Variants in B9D1 observed in about 807,000 individuals in gnomAD.
The protein encoded by B9D1 is B9 domain containing 1, also known as B9 domain-containing protein 1.
B9D1 carries 20 observed loss-of-function variants against 26.1 expected under a neutral mutation model. That is an observed-to-expected ratio of 0.77 (90% CI 0.54 to 1.12). B9D1 has a LOEUF of 1.12. Among genes scored for constraint, B9D1 ranks in the 50% most tolerant of loss-of-function variants. The probability of loss-of-function intolerance (pLI) is 0.00; values close to 1 mark genes in which losing one functional copy is unlikely to be tolerated. For synonymous variants in B9D1, 105 were observed against 103.1 expected, an observed-to-expected ratio of 1.02 and a Z score of -0.11; for missense variants, 260 against 273.7, an observed-to-expected ratio of 0.95 and a Z score of 0.35.
intron 3 of B9D1, among the ~76,000 whole-genome samples, chr17:19,352,514 AT>A (rs34659490): frequency 0.053 from 5,033 of 95,106 alleles, 68 homozygotes; most frequent in East Asian, 0.12. Flanking sequence ...GGCCTGGCTA[AT>A]TTTTTTTTTT....
intron 1 of B9D1, among the ~76,000 whole-genome samples, chr17:19,375,808 T>G (rs1358528072): frequency 6.6e-6 from 1 of 152,184 alleles, no homozygotes; most frequent in Non-Finnish European, 1.5e-5. Context: ...GCTGGTGAAT[T>G]TGTAAAATGG....
intron 1 of B9D1, among the ~76,000 whole-genome samples, chr17:19,374,675 T>G (rs577829797): frequency 6.6e-6 from 1 of 152,216 alleles, no homozygotes. Flanking sequence ...AAATAGGTTA[T>G]ATTCGTAAAG....
chr17:19,366,477 G>A (rs971630956), upstream of B9D1, among the ~76,000 whole-genome samples: 4 of 151,988 alleles, frequency 2.6e-5, no homozygotes, highest in African/African-American at 7.3e-5. Context: ...ACACCCCCAC[G>A]AAGTCCTGAG....
At chr17:19,377,489 C>T (rs1276369715) in intron 1 of B9D1, among the ~76,000 whole-genome samples, 1 of 152,186 alleles carries the variant, frequency 6.6e-6, no homozygotes, top group East Asian at 1.9e-4. Flanking sequence ...GAGGTAGGTA[C>T]GAATATGCAT....
downstream of B9D1, among the ~76,000 whole-genome samples, chr17:19,340,288 A>G (rs1907816025): frequency 6.6e-6 from 1 of 151,850 alleles, no homozygotes; most frequent in African/African-American, 2.4e-5. Flanking sequence ...CTCCTGCCTC[A>G]GCCTCCCGAG....
chr17:19,347,093 G>A lies in B9D1; in HGVS notation c.404+176C>T, dbSNP rs772628849. 1.3e-5 allele frequency: 20 copies of A among 1,560,732 alleles called. No individual in the cohort carries two copies. Among genetic ancestry groups the A allele is most frequent in the South Asian group, 8.2e-5 (7 of 85,322 alleles). ...CGCCCGGCCTTCTGCTGCTGGAACA[G>A]GGCTGAAGGGAGCCCCGTGACTCAG... On this transcript the variant is annotated intron_variant, in intron 5 of 6. Transcript: ENST00000261499. This position sits in a 1 kb window ranked among gnomAD's most constrained non-coding sequence, Gnocchi z 4.3.
intron 1 of B9D1, among the ~76,000 whole-genome samples, chr17:19,373,802 C>T (rs1217262403): frequency 6.6e-6 from 1 of 152,202 alleles, no homozygotes; most frequent in East Asian, 1.9e-4. Context: ...GCTGGGATTA[C>T]AGGCGTGAGT....
At chr17:19,373,048 C>T (rs1157209276) in intron 1 of B9D1, among the ~76,000 whole-genome samples, 2 of 152,234 alleles carry the variant, frequency 1.3e-5, no homozygotes, top group Non-Finnish European at 2.9e-5. Context: ...CAGAGGTGGA[C>T]AGGTGATTCA....
At chr17:19,367,608 G>A (rs1490522794), upstream of B9D1, among the ~76,000 whole-genome samples, 2 of 152,236 alleles carry the variant, frequency 1.3e-5, no homozygotes, top group East Asian at 1.9e-4. Context: ...CACTGCACCC[G>A]GCCAATCAGC....
downstream of B9D1, chr17:19,335,314 T>C (rs1907354984): frequency 9.8e-6 from 13 of 1,332,174 alleles, no homozygotes; most frequent in South Asian, 1.9e-4. Flanking sequence ...TTCTTACGAA[T>C]ATACCAACAT....
In B9D1 at chr17:19,360,358, A is replaced by G. The variant is rs1470703479; in HGVS notation, c.94T>C (p.Tyr32His). ...FPEYDDLYCKYCFVYGQDWAP... is the reference protein window; with the variant it reads ...FPEYDDLYCKHCFVYGQDWAP... ...CAGTCCTGGCCGTACACAAAGCAGT[A>G]CTTGCAGTAGAGGTCATCATACTCT... is the stretch of plus-strand genomic sequence containing the variant. Residue 32 changes from tyrosine (Y) to histidine (H), a missense_variant, in exon 2 of 7, where the codon TAC becomes CAC. Transcript: ENST00000261499. The G allele has an allele frequency of 6.2e-7, 1 of 1,613,968 alleles. No homozygotes were observed.
At position 19,343,229 on chromosome 17, in the gene B9D1, G is replaced by A. The variant is rs928552442; in HGVS notation, c.*90C>T. On this transcript the variant is annotated 3_prime_UTR_variant, in exon 7 of 7. Transcript: ENST00000261499. ...ACTATTCTGTGTGCCCCCAGCTCTGGCCACCAGGCTGCCCCTCAGGCCGAT... is the reference window on the plus strand; with the variant it reads ...ACTATTCTGTGTGCCCCCAGCTCTGACCACCAGGCTGCCCCTCAGGCCGAT... 5.0e-6 allele frequency: 8 copies of A among 1,600,192 alleles called. No individual in the cohort carries two copies. The Admixed American group carries it at 1.4e-4, about 27-fold the overall frequency.
At chr17:19,363,515 G>A (rs1441921343), upstream of B9D1, 1 of 152,296 alleles carries the variant, frequency 6.6e-6, no homozygotes, top group African/African-American at 2.4e-5. Context: ...AGGCAGGTAA[G>A]TAGCTAAGTC....
At chr17:19,339,049 C>G (rs1178181746), downstream of B9D1, among the ~76,000 whole-genome samples, 1 of 152,086 alleles carries the variant, frequency 6.6e-6, no homozygotes, top group Admixed American at 6.5e-5. Context: ...ATGAGGCCAT[C>G]TGGGATCATG....
chr17:19,347,294 T>C lies in B9D1; in HGVS notation c.379A>G (p.Thr127Ala), dbSNP rs748349063. Residue 127 changes from threonine (T) to alanine (A), a missense_variant, in exon 5 of 7, where the codon ACG becomes GCG. By Grantham distance (58) the Thr-to-Ala change is moderately conservative (BLOSUM62 0). Coordinates refer to ENST00000261499, the MANE Select transcript of B9D1 (RefSeq NM_015681.6). This position sits in a 1 kb window ranked among gnomAD's most constrained non-coding sequence, Gnocchi z 4.3. ...RTIPMFVPESTSKLQKFTSWF... is the reference protein window; with the variant it reads ...RTIPMFVPESASKLQKFTSWF... ...CTTGTAAACTTCTGCAGTTTAGACG[T>C]AGATTCTGGGACAAACATGGGGATG... 8 of 1,614,118 alleles carry C rather than the reference T, an allele frequency of 5.0e-6. No homozygotes were observed. The highest frequency in any genetic ancestry group is 4.5e-5 in the East Asian group (2 of 44,896).
rs571680267 is a variant in B9D1, at chr17:19,372,766, G to A, written c.-298+5093C>T. ...ACCCAGGTGTTTCTGAAACCAAAGC[G>A]TGCCTTCGTAAAACTTAAGAGCATG... On this transcript the variant is annotated intron_variant, in intron 1 of 5. Coordinates refer to the B9D1 transcript ENST00000477478. This position sits in a 1 kb window ranked among gnomAD's most constrained non-coding sequence, Gnocchi z 4.4. 7.9e-5 allele frequency among the ~76,000 whole-genome samples: 12 copies of A among 152,316 alleles called. No homozygotes were observed. The South Asian group carries it at 1.4e-3, about 18-fold the overall frequency.
chr17:19,335,748 G>A, downstream of B9D1: 2 of 317,060 alleles, frequency 6.3e-6, no homozygotes, highest in Non-Finnish European at 5.7e-6. Flanking sequence ...ATTCACCTGG[G>A]AGGGATTTTT....
downstream of B9D1, among the ~76,000 whole-genome samples, chr17:19,342,636 G>A (rs1047151323): frequency 1.1e-4 from 16 of 152,186 alleles, no homozygotes; most frequent in Admixed American, 7.8e-4. Context: ...AGAGGTCAGG[G>A]TGTTGAGCCA....
At chr17:19,339,042 AG>A (rs1463771822), downstream of B9D1, among the ~76,000 whole-genome samples, 3 of 152,174 alleles carry the variant, frequency 2.0e-5, no homozygotes, top group Admixed American at 6.5e-5. Flanking sequence ...AGCTACCATG[AG>A]GCCATCTGGG....
Sources: allele counts gnomAD v4.1 joint callset (sites outside exome capture counted in the v4.1 genomes callset), GRCh38; gene constraint gnomAD v4.1.1; non-coding constraint Gnocchi (gnomAD v3.1); transcripts MANE v1.5; gene names NCBI Gene and HGNC (gene_info 2026-07-23, HGNC 2026-07-21).